The following MYZAP variants were observed in gnomAD, a reference collection of about 807,000 sequenced individuals.
The protein encoded by MYZAP is GRINL1A complex locus upstream.
A neutral mutation model predicts 69.4 loss-of-function variants in MYZAP; 66 were observed. The ratio of observed to expected loss-of-function variants is 0.95; its 90% CI spans 0.78 to 1.17. The LOEUF (loss-of-function observed/expected upper bound fraction) is 1.17. Ranked by LOEUF, MYZAP falls within the 50% of genes most tolerant of loss-of-function variation. The pLI is 0.00. For missense variants in MYZAP, 611 were observed against 556.2 expected, an observed-to-expected ratio of 1.10 and a Z score of -0.99; for synonymous variants, 256 against 205.9, an observed-to-expected ratio of 1.24 and a Z score of -2.09.
At chr15:57,684,280 C>T (rs2039583258) in intron 12 of MYZAP, 122 bp from the exon 13 acceptor site, 2 of 675,886 alleles carry the variant, frequency 3.0e-6, no homozygotes, top group Non-Finnish European at 5.2e-6. Context: ...TATTAAGCTG[C>T]ATTATTGTCT....
At chr15:57,633,482 G>T (rs2036627462) in intron 7 of MYZAP, 131 bp from the exon 8 acceptor site, 1 of 1,315,436 alleles carries the variant, frequency 7.6e-7, no homozygotes, top group East Asian at 2.6e-5. Flanking sequence ...CATGATCTGT[G>T]AGACACTTTC....
In MYZAP at chr15:57,646,354, C is replaced by T; in HGVS notation, c.1119+6809C>T. 5 of 1,181,926 alleles carry T rather than the reference C, an allele frequency of 4.2e-6. No homozygotes were observed. The South Asian group carries it at 8.3e-5, about 20-fold the overall frequency. 73.2% of individuals were successfully genotyped at this position (1,181,926 alleles called of 1,614,324 possible). A position where few individuals can be genotyped will look rare whatever the true frequency, so the allele number is the denominator to read the frequency against. ...TAAAGGAAAATTTGACCATGTGGGG[C>T]TCTTGTTTGTGAAAACACCCACATA... On this transcript the variant is annotated intron_variant, in intron 10 of 12. Transcript: ENST00000267853.
intron 10 of MYZAP, among the ~76,000 whole-genome samples, chr15:57,660,228 G>T (rs867059658): frequency 6.6e-6 from 1 of 152,134 alleles, no homozygotes; most frequent in Admixed American, 6.5e-5. Context: ...GAATTGCTGA[G>T]TCAAAGGGTT....
Position 57,591,984 on chromosome 15 carries a change from C to G in MYZAP, c.-51C>G, listed in dbSNP as rs1471480471. On this transcript the variant is annotated 5_prime_UTR_variant, in exon 1 of 13. Coordinates refer to ENST00000267853, the MANE Select transcript of MYZAP (RefSeq NM_001018100.5). Reference sequence around the variant, plus strand: ...GCAGGGCGGGCCCCGCACGCTTATTCTGCCCGGGAGGAACGCCGGCGTCCA... The same window carrying G: ...GCAGGGCGGGCCCCGCACGCTTATTGTGCCCGGGAGGAACGCCGGCGTCCA... The G allele has an allele frequency of 7.2e-7, 1 of 1,391,510 alleles. No individual in the cohort carries two copies. 86.2% of individuals were successfully genotyped at this position (1,391,510 alleles called of 1,614,324 possible).
intron 10 of MYZAP, 95 bp from the exon 11 acceptor site, chr15:57,661,355 T>A: frequency 1.1e-6 from 1 of 935,238 alleles, no homozygotes; most frequent in South Asian, 1.6e-5. Context: ...GAAATAAAAA[T>A]AAATGAAAAC....
intron 1 of MYZAP, among the ~76,000 whole-genome samples, chr15:57,594,985 A>T (rs1161034301): frequency 6.6e-6 from 1 of 152,228 alleles, no homozygotes; most frequent in Non-Finnish European, 1.5e-5. Flanking sequence ...AGAGCTCATC[A>T]AATTGGGTAC....
At position 57,617,946 on chromosome 15, in the gene MYZAP, T is replaced by A. The variant is rs1350831967; in HGVS notation, c.163-87T>A. The A allele has an allele frequency of 2.7e-6, 4 of 1,476,844 alleles. No homozygotes were observed. In the Admixed American group the frequency reaches 9.6e-5, roughly 35 times the overall value. 91.5% of individuals were successfully genotyped at this position (1,476,844 alleles called of 1,614,324 possible). The stretch of plus-strand genomic sequence containing the variant: ...CAATGAGTGCTGGGCACAATTTGCA[T>A]AATCATACACAGTGGGCCCGTTATT... On this transcript the variant is annotated intron_variant, in intron 2 of 12. Transcript: ENST00000267853.
At chr15:57,618,307 T>G (rs1464864576) in intron 3 of MYZAP, 119 bp downstream of exon 3, 3 of 1,435,666 alleles carry the variant, frequency 2.1e-6, no homozygotes, top group African/African-American at 2.9e-5. Context: ...CTTAGTGTTA[T>G]CATTTTGGCT....
At chr15:57,647,937 C>T (rs527783171) in intron 10 of MYZAP, 22 of 985,196 alleles carry the variant, frequency 2.2e-5, no homozygotes, top group South Asian at 1.9e-4. Flanking sequence ...AATCCTGCCC[C>T]GCCACCGCTT....
chr15:57,615,470 A>T (rs1595868677), intron 2 of MYZAP, among the ~76,000 whole-genome samples: 1 of 152,244 alleles, frequency 6.6e-6, no homozygotes, highest in South Asian at 2.1e-4. Context: ...TGCTTGGGCC[A>T]GGGGCAGGAT....
intron 5 of MYZAP, among the ~76,000 whole-genome samples, chr15:57,626,386 T>C (rs1274981666): frequency 6.6e-6 from 1 of 152,236 alleles, no homozygotes; most frequent in African/African-American, 2.4e-5. Flanking sequence ...CGTCTTGTAG[T>C]AGCAGACAGG....
At chr15:57,610,708 G>A (rs369385705) in intron 2 of MYZAP, among the ~76,000 whole-genome samples, 1 of 152,182 alleles carries the variant, frequency 6.6e-6, no homozygotes, top group Non-Finnish European at 1.5e-5. Flanking sequence ...AGCAGTCAAG[G>A]TGCAGCGGGT....
In MYZAP at chr15:57,633,730, C is replaced by T. The variant is rs756208577; in HGVS notation, c.922C>T (p.Arg308Cys). The change falls in exon 8 of 13, where the codon CGC becomes TGC. Residue 308 changes from arginine to cysteine, a missense_variant. Coordinates refer to ENST00000267853, the MANE Select transcript of MYZAP (RefSeq NM_001018100.5). ...CGGGGAGCTGGACAGGCTGATTGAG[C>T]GCATGGAAAAGGTAGGACACAGCGT... is the stretch of plus-strand genomic sequence containing the variant. Reference protein sequence around the residue: ...RIGELDRLIERMEKERHQLQL... With the variant: ...RIGELDRLIECMEKERHQLQL... 29 of 1,605,352 alleles carry T rather than the reference C, an allele frequency of 1.8e-5. No homozygotes were observed. The highest frequency in any genetic ancestry group is 9.0e-5 in the East Asian group (4 of 44,516).
intron 1 of MYZAP, among the ~76,000 whole-genome samples, chr15:57,596,834 G>A (rs2034091914): frequency 1.3e-5 from 2 of 152,218 alleles, no homozygotes; most frequent in South Asian, 4.1e-4. Context: ...TCTGATGAGT[G>A]TTGTCTCCTC....
At chr15:57,633,854 T>TAA (rs150236562) in intron 8 of MYZAP, 113 bp downstream of exon 8, 19 of 1,042,930 alleles carry the variant, frequency 1.8e-5, no homozygotes, top group Admixed American at 4.1e-5. Flanking sequence ...AATTTGCAAT[T>TAA]AAAAAAAAAA....
At chr15:57,642,805 G>A (rs2037236767) in intron 10 of MYZAP, among the ~76,000 whole-genome samples, 2 of 144,040 alleles carry the variant, frequency 1.4e-5, no homozygotes, top group South Asian at 4.4e-4. Flanking sequence ...ACTGGCCCAG[G>A]TTTTGTCATC....
intron 11 of MYZAP, among the ~76,000 whole-genome samples, chr15:57,673,463 C>CGTGTGTGTGTGTGT (rs3051249): frequency 5.8e-5 from 6 of 102,588 alleles, no homozygotes; most frequent in Non-Finnish European, 9.9e-5. Flanking sequence ...TGCGTGCATG[C>CGTGTGTGTGTGTGT]GTGTGTGTGT....
At chr15:57,678,407 A>G (rs567027861) in intron 12 of MYZAP, among the ~76,000 whole-genome samples, 2 of 152,302 alleles carry the variant, frequency 1.3e-5, no homozygotes. Context: ...TTAGCATGGT[A>G]ACTGGACCAG....
chr15:57,622,776 A>G (rs557068370), intron 4 of MYZAP, among the ~76,000 whole-genome samples: 7 of 152,202 alleles, frequency 4.6e-5, no homozygotes, highest in African/African-American at 1.7e-4. Flanking sequence ...GTGTGAATTC[A>G]TTTATACCCT....
Sources: allele counts gnomAD v4.1 joint callset (sites outside exome capture counted in the v4.1 genomes callset), GRCh38; gene constraint gnomAD v4.1.1; transcripts MANE v1.5; gene names NCBI Gene and HGNC (gene_info 2026-07-23, HGNC 2026-07-21).